NAALADL2: variants seen among roughly 807,000 people sequenced by gnomAD.
NAALADL2 encodes the protein N-acetylated alpha-linked acidic dipeptidase like 2, also known as inactive N-acetylated-alpha-linked acidic dipeptidase-like protein 2.
NAALADL2 carries 76 observed loss-of-function variants against 87.2 expected under a neutral mutation model. The observed-to-expected ratio is 0.87, with a 90% confidence interval of 0.72 to 1.05. The LOEUF is 1.05. NAALADL2 is among the 50% of genes least tolerant of loss of function. NAALADL2 has a pLI of 0.00. For synonymous variants in NAALADL2, 354 were observed against 331.0 expected, an observed-to-expected ratio of 1.07 and a Z score of -0.75; for missense variants, 1,089 against 945.8, an observed-to-expected ratio of 1.15 and a Z score of -1.99.
chr3:175,174,926 AT>A (rs1735490163), intron 2 of NAALADL2, among the ~76,000 whole-genome samples: 1 of 152,008 alleles, frequency 6.6e-6, no homozygotes, highest in African/African-American at 2.4e-5. Context: ...TTGACCATTA[AT>A]CTTCTTGTAC....
At chr3:175,035,158 C>G (rs565418631) in intron 1 of NAALADL2, among the ~76,000 whole-genome samples, 2 of 152,242 alleles carry the variant, frequency 1.3e-5, no homozygotes, top group South Asian at 4.1e-4. Context: ...TCTACTTGAA[C>G]AGGTACATTC....
At chr3:175,614,373 C>T (rs1254268323) in intron 10 of NAALADL2, among the ~76,000 whole-genome samples, 1 of 152,184 alleles carries the variant, frequency 6.6e-6, no homozygotes, top group African/African-American at 2.4e-5. Flanking sequence ...ATCTCTTAAA[C>T]AATCTAGATA....
intron 11 of NAALADL2, among the ~76,000 whole-genome samples, chr3:175,684,337 AAAT>A (rs1217407331): frequency 6.6e-6 from 1 of 152,176 alleles, no homozygotes; most frequent in Non-Finnish European, 1.5e-5. Context: ...TTTTTAACTT[AAAT>A]AATACCCTTC....
rs1430617670 is a variant in NAALADL2 at position 175,808,413 on chromosome 3, A to C, written c.*5210A>C. 6.6e-6 allele frequency: 1 copy of C among 151,970 alleles called. No individual in the cohort carries two copies. Among genetic ancestry groups the C allele is most frequent in the Non-Finnish European group, 1.5e-5 (1 of 67,948 alleles). 9.4% of individuals were successfully genotyped at this position (151,970 alleles called of 1,614,324 possible). A position where few individuals can be genotyped will look rare whatever the true frequency, so the allele number is the denominator to read the frequency against. ...AATTTTGATGGATTTTTTAAATGCC[A>C]AAATCCAATCATCAAGGCCAAAGAA... On this transcript the variant is annotated 3_prime_UTR_variant, in exon 14 of 14. Coordinates refer to ENST00000454872, the MANE Select transcript of NAALADL2 (RefSeq NM_207015.3).
chr3:175,443,757 T>C (rs1720210276), intron 5 of NAALADL2, among the ~76,000 whole-genome samples: 1 of 152,234 alleles, frequency 6.6e-6, no homozygotes. Context: ...TACAATGATA[T>C]AAGTGACTTG....
At chr3:175,793,428 C>G (rs1355230910) in intron 13 of NAALADL2, among the ~76,000 whole-genome samples, 22 of 151,408 alleles carry the variant, frequency 1.5e-4, no homozygotes, top group Non-Finnish European at 3.1e-4. Flanking sequence ...TCCTGCCTCA[C>G]CCTCCCGAGT....
Position 174,800,368 on chromosome 3 carries a change from G to A in NAALADL2, c.-9+62622G>A, listed in dbSNP as rs190869727. ...GCCATCATATAAAGCTCATGCTGTTGCTTTATAGGGTGGAAGCACCAAGCC... is the reference window on the plus strand; with the variant it reads ...GCCATCATATAAAGCTCATGCTGTTACTTTATAGGGTGGAAGCACCAAGCC... On this transcript the variant is annotated intron_variant, in intron 3 of 3. Coordinates refer to the NAALADL2 transcript ENST00000434257. Among the ~76,000 whole-genome samples, 4 of 152,278 alleles carry A rather than the reference G, an allele frequency of 2.6e-5. No individual in the cohort carries two copies. The East Asian group carries it at 7.7e-4, about 29-fold the overall frequency.
At chr3:175,460,771 G>T (rs1169183545) in intron 6 of NAALADL2, among the ~76,000 whole-genome samples, 1 of 152,166 alleles carries the variant, frequency 6.6e-6, no homozygotes, top group African/African-American at 2.4e-5. Flanking sequence ...ATTAGAGTGG[G>T]ACTATAGCAT....
chr3:174,847,594 G>A (rs1277479137), intron 3 of NAALADL2, among the ~76,000 whole-genome samples: 2 of 152,148 alleles, frequency 1.3e-5, no homozygotes, highest in African/African-American at 2.4e-5. Flanking sequence ...GTGAGATAGT[G>A]AGAGACTAAA....
At chr3:175,376,195 T>G (rs1448318902) in intron 5 of NAALADL2, among the ~76,000 whole-genome samples, 1 of 152,148 alleles carries the variant, frequency 6.6e-6, no homozygotes, top group Non-Finnish European at 1.5e-5. Flanking sequence ...CTCCTAGTTA[T>G]CAATTTCTTC....
intron 3 of NAALADL2, among the ~76,000 whole-genome samples, chr3:174,803,114 A>G (rs1315996780): frequency 1.3e-5 from 2 of 152,020 alleles, no homozygotes; most frequent in Admixed American, 6.6e-5. Flanking sequence ...AAGCATTCCT[A>G]TTTCTCCACA....
chr3:175,492,657 A>C (rs1728269164), intron 9 of NAALADL2, among the ~76,000 whole-genome samples: 1 of 152,186 alleles, frequency 6.6e-6, no homozygotes, highest in African/African-American at 2.4e-5. Flanking sequence ...TGTAATTCAC[A>C]TACAAGTGAA....
intron 13 of NAALADL2, chr3:175,767,806 A>C (rs1444069678): frequency 1.3e-5 from 2 of 152,148 alleles, no homozygotes; most frequent in African/African-American, 4.8e-5. Flanking sequence ...GTTCTCAGGC[A>C]GGCAACTTCC....
intron 9 of NAALADL2, 132 bp from the exon 10 acceptor site, chr3:175,575,909 G>C: frequency 1.5e-6 from 1 of 686,010 alleles, no homozygotes; most frequent in Non-Finnish European, 2.4e-6. Context: ...TGGGGCCTAA[G>C]CATTTGCATT....
chr3:174,928,518 G>A (rs1323379941), intron 1 of NAALADL2, among the ~76,000 whole-genome samples: 3 of 152,130 alleles, frequency 2.0e-5, no homozygotes, highest in Non-Finnish European at 4.4e-5. Flanking sequence ...GGTATTACAG[G>A]CGTGAGCCAC....
chr3:174,721,949 T>C (rs923079602), intron 2 of NAALADL2, among the ~76,000 whole-genome samples: 1 of 152,188 alleles, frequency 6.6e-6, no homozygotes, highest in Non-Finnish European at 1.5e-5. Context: ...GTTGTTACCT[T>C]ACTGCCCAGA....
Position 174,717,827 on chromosome 3 carries a change from C to T in NAALADL2, c.-114-19814C>T, listed in dbSNP as rs183978299. ...AATTCACTTTTAAAAATACCTTTTA[C>T]AAGAAGTTTCCTCCTTGGCCGGGCA... On this transcript the variant is annotated intron_variant, in intron 2 of 3. Transcript: ENST00000434257. Among the ~76,000 whole-genome samples the T allele has an allele frequency of 5.0e-3, 758 of 152,114 alleles. 6 individuals carry two copies. The highest frequency in any genetic ancestry group is 7.9e-3 in the Non-Finnish European group (534 of 67,984).
At chr3:174,547,357 T>C (rs142717767) in intron 1 of NAALADL2, among the ~76,000 whole-genome samples, 243 of 152,264 alleles carry the variant, frequency 1.6e-3, no homozygotes, top group African/African-American at 5.5e-3. Flanking sequence ...TAAAATAATA[T>C]AAGGTATTGA....
chr3:174,823,594 T>A (rs1010925585), intron 3 of NAALADL2, among the ~76,000 whole-genome samples: 5 of 152,242 alleles, frequency 3.3e-5, no homozygotes, highest in African/African-American at 1.2e-4. Flanking sequence ...AACAAGAGTA[T>A]GCTCTTTAGT....
Sources: allele counts gnomAD v4.1 joint callset (sites outside exome capture counted in the v4.1 genomes callset), GRCh38; gene constraint gnomAD v4.1.1; transcripts MANE v1.5; gene names NCBI Gene and HGNC (gene_info 2026-07-23, HGNC 2026-07-21).